Variants in EXT1 observed in about 807,000 individuals in gnomAD.
The protein encoded by EXT1 is exostosin-1.
Under a neutral mutation model 82.5 loss-of-function variants are expected in EXT1, and 20 were observed. The ratio of observed to expected loss-of-function variants is 0.24; its 90% CI spans 0.17 to 0.35. The LOEUF (loss-of-function observed/expected upper bound fraction) is 0.35, where lower values mean the gene tolerates loss of function less well. Among genes scored for constraint, EXT1 ranks in the 10% least tolerant of loss-of-function variants. EXT1 has a pLI of 1.00. For synonymous variants in EXT1, 348 were observed against 350.8 expected, an observed-to-expected ratio of 0.99 and a Z score of 0.09; for missense variants, 757 against 936.5, an observed-to-expected ratio of 0.81 and a Z score of 2.50.
chr8:118,049,311 C>T (rs1424792447), intron 1 of EXT1, among the ~76,000 whole-genome samples: 2 of 152,214 alleles, frequency 1.3e-5, no homozygotes, highest in Non-Finnish European at 2.9e-5. Flanking sequence ...CTTAGCTGTG[C>T]TACCACATAT....
In EXT1 at chr8:118,017,085, G is replaced by C. The variant is rs377067789; in HGVS notation, c.962+93000C>G. ...AGCATCTTGTTCTCCCAGACGGACCGGTATAATCATTTATAAAGATAAGAT... is the reference window on the plus strand; with the variant it reads ...AGCATCTTGTTCTCCCAGACGGACCCGTATAATCATTTATAAAGATAAGAT... On this transcript the variant is annotated intron_variant, in intron 1 of 10. Transcript: ENST00000378204. Among the ~76,000 whole-genome samples the C allele has an allele frequency of 2.6e-5, 4 of 152,236 alleles. No individual in the cohort carries two copies. In the South Asian group the frequency reaches 8.3e-4, roughly 32 times the overall value.
At chr8:117,856,400 G>A (rs553226162) in intron 1 of EXT1, among the ~76,000 whole-genome samples, 38 of 147,920 alleles carry the variant, frequency 2.6e-4, no homozygotes, top group Non-Finnish European at 4.6e-4. Context: ...GACTACAGGC[G>A]CCAGCCACCA....
At chr8:117,806,886 G>C (rs1823246646) in intron 9 of EXT1, among the ~76,000 whole-genome samples, 1 of 152,158 alleles carries the variant, frequency 6.6e-6, no homozygotes, top group South Asian at 2.1e-4. Flanking sequence ...TGAATCCCAA[G>C]CACCTAGAAC....
At chr8:117,957,249 A>T (rs981615444) in intron 1 of EXT1, among the ~76,000 whole-genome samples, 8 of 152,242 alleles carry the variant, frequency 5.3e-5, no homozygotes, top group Non-Finnish European at 1.0e-4. Context: ...CTTATTGCTG[A>T]TATTTTTGGA....
intron 1 of EXT1, among the ~76,000 whole-genome samples, chr8:117,956,692 C>T (rs191854045): frequency 1.5e-3 from 224 of 152,290 alleles, no homozygotes; most frequent in African/African-American, 5.0e-3. Context: ...GGTGATCCGG[C>T]TGCCTTGACT....
chr8:117,867,253 C>T (rs2031912009), intron 1 of EXT1, among the ~76,000 whole-genome samples: 1 of 30,204 alleles, frequency 3.3e-5, no homozygotes, highest in African/African-American at 1.2e-4. Flanking sequence ...AGTGAGACTC[C>T]ACCTCAGAAA....
At chr8:117,888,519 GA>G (rs2129937147) in intron 1 of EXT1, among the ~76,000 whole-genome samples, 1 of 152,170 alleles carries the variant, frequency 6.6e-6, no homozygotes, top group African/African-American at 2.4e-5. Flanking sequence ...ATATATCCTA[GA>G]AAGGACAACA....
intron 1 of EXT1, among the ~76,000 whole-genome samples, chr8:117,911,377 A>G (rs1313460180): frequency 6.6e-6 from 1 of 152,194 alleles, no homozygotes; most frequent in African/African-American, 2.4e-5. Flanking sequence ...TGATTACTCC[A>G]ACCGCAATAA....
At chr8:118,031,046 A>G (rs1425638998) in intron 1 of EXT1, among the ~76,000 whole-genome samples, 2 of 152,266 alleles carry the variant, frequency 1.3e-5, no homozygotes, top group East Asian at 3.9e-4. Context: ...AGCAGGTCCC[A>G]TGTGTACCCT....
chr8:117,843,579 G>A (rs1246308402), intron 1 of EXT1, among the ~76,000 whole-genome samples: 1 of 152,094 alleles, frequency 6.6e-6, no homozygotes, highest in Non-Finnish European at 1.5e-5. Flanking sequence ...AGGTATGGGG[G>A]TGTGGGCTGC....
At chr8:117,824,977 C>T (rs1811986728) in intron 4 of EXT1, among the ~76,000 whole-genome samples, 1 of 152,084 alleles carries the variant, frequency 6.6e-6, no homozygotes, top group Non-Finnish European at 1.5e-5. Flanking sequence ...AAGGATACTC[C>T]CGCCTCAGCC....
intron 1 of EXT1, among the ~76,000 whole-genome samples, chr8:117,938,730 T>A (rs1291384122): frequency 1.3e-5 from 2 of 152,132 alleles, no homozygotes; most frequent in African/African-American, 2.4e-5. Flanking sequence ...AGTGTGCCAA[T>A]CTCTATAACT....
intron 1 of EXT1, among the ~76,000 whole-genome samples, chr8:117,945,802 G>A (rs371164347): frequency 6.6e-6 from 1 of 152,078 alleles, no homozygotes; most frequent in East Asian, 1.9e-4. Flanking sequence ...CGCCTGGTCT[G>A]TGGTTATTTA....
chr8:117,978,545 T>G (rs1340934137), intron 1 of EXT1, among the ~76,000 whole-genome samples: 1 of 152,198 alleles, frequency 6.6e-6, no homozygotes, highest in Non-Finnish European at 1.5e-5. Context: ...GGGTCATATT[T>G]CTGTTTGAGG....
At chr8:118,025,707 A>G (rs976458468) in intron 1 of EXT1, among the ~76,000 whole-genome samples, 3 of 152,226 alleles carry the variant, frequency 2.0e-5, no homozygotes, top group South Asian at 4.1e-4. Context: ...TTTTAGGCAC[A>G]GGAGAAAAAA....
chr8:118,043,834 CA>C (rs1195322821), intron 1 of EXT1, among the ~76,000 whole-genome samples: 4 of 152,024 alleles, frequency 2.6e-5, no homozygotes, highest in African/African-American at 9.7e-5. Flanking sequence ...AAATCTATGC[CA>C]AAAAACAGGT....
chr8:118,110,801 G>A lies in EXT1; in HGVS notation c.246C>T (p.Pro82=), dbSNP rs1817885875. 1 of 1,613,294 alleles carries A rather than the reference G, an allele frequency of 6.2e-7. No homozygotes were observed. The highest frequency in any genetic ancestry group is 1.7e-5 in the Admixed American group (1 of 59,942). The change falls in exon 1 of 11, where the codon CCC becomes CCT. Residue 82 remains proline, a synonymous_variant. Transcript: ENST00000378204. ...TGGAGTTGGCATCTCGCTTCTGCCG[G>A]GGGGAAATGTGCACGCTGGAATCCT... The part of the protein sequence containing the change: ...ENEDSSVHIS[P]RQKRDANSSI...
At chr8:118,000,603 C>G (rs140084782) in intron 1 of EXT1, among the ~76,000 whole-genome samples, 19 of 152,326 alleles carry the variant, frequency 1.2e-4, no homozygotes, top group Admixed American at 4.6e-4. Context: ...GCAATAAATA[C>G]GCCCTGACCT....
intron 1 of EXT1, among the ~76,000 whole-genome samples, chr8:118,057,501 G>T (rs914101833): frequency 1.3e-5 from 2 of 152,004 alleles, no homozygotes; most frequent in African/African-American, 4.8e-5. Context: ...CCAAGATCAG[G>T]CCATGGCACT....
Sources: gnomAD v4.1 joint callset for allele counts (sites outside exome capture counted in the v4.1 genomes callset) on GRCh38, gnomAD v4.1.1 for gene constraint, MANE v1.5 for transcripts, NCBI Gene and HGNC (gene_info 2026-07-23, HGNC 2026-07-21) for gene names.